Variants in VPS13B observed in about 807,000 individuals in gnomAD.
VPS13B encodes the protein intermembrane lipid transfer protein VPS13B.
A neutral mutation model predicts 426.4 loss-of-function variants in VPS13B; 285 were observed. The ratio of observed to expected loss-of-function variants is 0.67; its 90% CI spans 0.61 to 0.74. VPS13B has a LOEUF of 0.74. Ranked by LOEUF, VPS13B falls within the 30% of genes least tolerant of loss-of-function variation. The pLI, the probability that VPS13B is intolerant of heterozygous loss-of-function variation, is 0.00. For missense variants in VPS13B, 4,537 were observed against 4,782.6 expected, an observed-to-expected ratio of 0.95 and a Z score of 1.51; for synonymous variants, 1,676 against 1,676.4, an observed-to-expected ratio of 1.00 and a Z score of 0.01.
chr8:99,597,990 A>T (rs965799868), intron 33 of VPS13B, among the ~76,000 whole-genome samples: 6 of 152,090 alleles, frequency 3.9e-5, no homozygotes, highest in Non-Finnish European at 7.4e-5. Context: ...AGTAGAAAAA[A>T]TAAGATGTAT....
In VPS13B at chr8:99,237,216, G is replaced by A. The variant is rs995959353; in HGVS notation, c.2516-36982G>A. Among the ~76,000 whole-genome samples, 11 of 152,114 alleles carry A rather than the reference G, an allele frequency of 7.2e-5. No homozygotes were observed. In the East Asian group the frequency reaches 7.7e-4, roughly 11 times the overall value. Reference sequence around the variant, plus strand: ...TCGGGTATGTCTTTATCAGCAGTGCGAAAATGGACTAATACAACACCTTAA... The same window carrying A: ...TCGGGTATGTCTTTATCAGCAGTGCAAAAATGGACTAATACAACACCTTAA... On this transcript the variant is annotated intron_variant, in intron 17 of 61. Coordinates refer to ENST00000357162, the MANE Select transcript of VPS13B (RefSeq NM_152564.5).
chr8:99,450,353 T>C (rs1818125839), intron 23 of VPS13B, among the ~76,000 whole-genome samples: 2 of 152,162 alleles, frequency 1.3e-5, no homozygotes, highest in South Asian at 2.1e-4. Flanking sequence ...ACTTTGACTT[T>C]TAGTTAAAAT....
chr8:99,596,683 A>G (rs574838093), intron 33 of VPS13B, among the ~76,000 whole-genome samples: 2 of 152,188 alleles, frequency 1.3e-5, no homozygotes, highest in South Asian at 2.1e-4. Context: ...TTATGCTCAC[A>G]TTCCATTGGT....
At chr8:99,613,241 T>C (rs1211448726) in intron 33 of VPS13B, among the ~76,000 whole-genome samples, 1 of 152,246 alleles carries the variant, frequency 6.6e-6, no homozygotes, top group Admixed American at 6.5e-5. Flanking sequence ...TTTACATTCT[T>C]TGGGCATAAA....
At chr8:99,309,835 G>A (rs1820855254) in intron 19 of VPS13B, among the ~76,000 whole-genome samples, 1 of 152,178 alleles carries the variant, frequency 6.6e-6, no homozygotes, top group Non-Finnish European at 1.5e-5. Flanking sequence ...TCTTCCATTT[G>A]TTTGTGTCAT....
At chr8:99,263,308 G>A (rs905901275) in intron 17 of VPS13B, among the ~76,000 whole-genome samples, 1 of 152,112 alleles carries the variant, frequency 6.6e-6, no homozygotes, top group Non-Finnish European at 1.5e-5. Context: ...CTCTGTGTTA[G>A]GCAGGAGTAT....
intron 31 of VPS13B, among the ~76,000 whole-genome samples, chr8:99,566,058 T>C (rs1444849256): frequency 6.6e-6 from 1 of 152,164 alleles, no homozygotes; most frequent in Non-Finnish European, 1.5e-5. Flanking sequence ...GGATTCATGT[T>C]ACAACAGGAG....
intron 19 of VPS13B, among the ~76,000 whole-genome samples, chr8:99,358,292 G>T (rs1207382795): frequency 6.6e-6 from 1 of 152,104 alleles, no homozygotes; most frequent in African/African-American, 2.4e-5. Flanking sequence ...TTAATCTGAG[G>T]AACAGATTTT....
At chr8:99,557,331 T>C (rs1423698521) in intron 31 of VPS13B, among the ~76,000 whole-genome samples, 3 of 151,470 alleles carry the variant, frequency 2.0e-5, no homozygotes, top group Non-Finnish European at 4.4e-5. Context: ...AAGTCCATTA[T>C]ATCATTCTTA....
intron 17 of VPS13B, among the ~76,000 whole-genome samples, chr8:99,221,290 T>G (rs1815705620): frequency 1.3e-5 from 2 of 151,086 alleles, no homozygotes; most frequent in African/African-American, 4.9e-5. Context: ...TTATACTCAT[T>G]TGGGTATATA....
chr8:99,839,060 G>T (rs1815539791), intron 54 of VPS13B, among the ~76,000 whole-genome samples: 1 of 152,192 alleles, frequency 6.6e-6, no homozygotes, highest in Admixed American at 6.5e-5. Context: ...GTCATGGGAA[G>T]TCATTGCATT....
intron 33 of VPS13B, among the ~76,000 whole-genome samples, chr8:99,591,000 C>CT (rs1208172125): frequency 2.0e-5 from 3 of 151,948 alleles, no homozygotes; most frequent in African/African-American, 7.2e-5. Context: ...TGAGGACTTG[C>CT]TTTATGAATC....
intron 39 of VPS13B, among the ~76,000 whole-genome samples, chr8:99,765,311 A>G (rs1811160512): frequency 2.0e-5 from 3 of 152,174 alleles, no homozygotes; most frequent in Admixed American, 1.3e-4. Flanking sequence ...CTTAAACTGA[A>G]AGGTTAGTAA....
chr8:99,038,350 AAAAG>A, intron 2 of VPS13B, 69 bp from the exon 3 acceptor site: 1 of 1,284,086 alleles, frequency 7.8e-7, no homozygotes. Flanking sequence ...TATTTTTTAA[AAAAG>A]AAATTTGCAT....
intron 17 of VPS13B, among the ~76,000 whole-genome samples, chr8:99,241,811 T>C (rs1413432266): frequency 2.0e-5 from 3 of 152,202 alleles, no homozygotes; most frequent in African/African-American, 7.2e-5. Context: ...CACTAGAAAA[T>C]TGATCTTCAA....
intron 39 of VPS13B, among the ~76,000 whole-genome samples, chr8:99,750,425 A>G (rs1235790659): frequency 2.0e-5 from 3 of 152,110 alleles, no homozygotes; most frequent in African/African-American, 7.2e-5. Flanking sequence ...CAGAGTTTAT[A>G]TAATATTTAT....
chr8:99,384,113 G>C (rs191387699), intron 19 of VPS13B, 95 bp from the exon 20 acceptor site: 7 of 1,017,494 alleles, frequency 6.9e-6, no homozygotes, highest in African/African-American at 4.7e-5. Flanking sequence ...CTGTTTGTCT[G>C]TTATGTCATA....
intron 23 of VPS13B, among the ~76,000 whole-genome samples, chr8:99,450,550 T>TA (rs775446249): frequency 6.6e-6 from 1 of 151,922 alleles, no homozygotes; most frequent in Non-Finnish European, 1.5e-5. Flanking sequence ...CTGTCTCTAC[T>TA]AAAATACAAA....
rs1212714675 is a variant in VPS13B at position 99,503,204 on chromosome 8, A to G, written c.4157+254A>G. 5.3e-5 allele frequency among the ~76,000 whole-genome samples: 8 copies of G among 152,282 alleles called. No individual in the cohort carries two copies. The South Asian group carries it at 1.0e-3, about 20-fold the overall frequency. On this transcript the variant is annotated intron_variant, in intron 27 of 61. Coordinates refer to ENST00000357162, the MANE Select transcript of VPS13B (RefSeq NM_152564.5). ...TATACTGCAGTCTGTGAAGTGTACAATAGCATTATGTATTTTAAAATGTAC... is the reference window on the plus strand; with the variant it reads ...TATACTGCAGTCTGTGAAGTGTACAGTAGCATTATGTATTTTAAAATGTAC...
Sources: gnomAD v4.1 joint callset for allele counts (sites outside exome capture counted in the v4.1 genomes callset) on GRCh38, gnomAD v4.1.1 for gene constraint, MANE v1.5 for transcripts, NCBI Gene and HGNC (gene_info 2026-07-23, HGNC 2026-07-21) for gene names.